The following PRDM16 variants were observed in gnomAD, a reference collection of about 807,000 sequenced individuals.
PRDM16 encodes histone-lysine N-methyltransferase PRDM16.
In PRDM16, 23 loss-of-function variants were observed where a neutral mutation model predicts 110.6. The observed-to-expected ratio is 0.21, with a 90% CI of 0.15 to 0.29. The LOEUF (loss-of-function observed/expected upper bound fraction) is 0.29, where lower values mean the gene tolerates loss of function less well. Ranked by LOEUF, PRDM16 falls within the 10% of genes least tolerant of loss-of-function variation. The pLI is 1.00. For missense variants in PRDM16, 1,615 were observed against 1,794.3 expected (o/e 0.90, Z 1.81); for synonymous variants, 799 against 781.8 (o/e 1.02, Z -0.37).
At chr1:3,232,080 C>G (rs2100888152) in intron 2 of PRDM16, among the ~76,000 whole-genome samples, 2 of 152,372 alleles carry the variant, frequency 1.3e-5, no homozygotes, top group Admixed American at 1.3e-4. Flanking sequence ...TCGCAGGCAG[C>G]TGCGACCGAC....
chr1:3,122,608 C>T (rs961915600), intron 1 of PRDM16, among the ~76,000 whole-genome samples: 5 of 152,086 alleles, frequency 3.3e-5, no homozygotes, highest in Non-Finnish European at 5.9e-5. Flanking sequence ...GATCATTATA[C>T]GAGTGGAAAA....
intron 3 of PRDM16, among the ~76,000 whole-genome samples, chr1:3,271,737 C>T (rs1217414459): frequency 1.3e-5 from 2 of 152,104 alleles, no homozygotes; most frequent in Non-Finnish European, 2.9e-5. Flanking sequence ...GCTCCTGCCT[C>T]AGAGGCCAGA....
At chr1:3,095,346 A>T (rs1438388788) in intron 1 of PRDM16, among the ~76,000 whole-genome samples, 1 of 149,028 alleles carries the variant, frequency 6.7e-6, no homozygotes, top group Non-Finnish European at 1.5e-5. Context: ...GTGTGTCTCC[A>T]GGGGTGCTGG....
intron 2 of PRDM16, among the ~76,000 whole-genome samples, chr1:3,219,281 A>G (rs911117078): frequency 1.3e-5 from 2 of 152,250 alleles, no homozygotes; most frequent in South Asian, 2.1e-4. Flanking sequence ...GCGGAGTGTC[A>G]GCGCAGTGAA....
intron 2 of PRDM16, among the ~76,000 whole-genome samples, chr1:3,232,515 A>G (rs905709387): frequency 6.6e-6 from 1 of 152,202 alleles, no homozygotes; most frequent in African/African-American, 2.4e-5. Context: ...AAACAATTGT[A>G]CTTCTGGCCT....
chr1:3,274,938 G>A (rs1433159923), intron 3 of PRDM16, among the ~76,000 whole-genome samples: 1 of 152,216 alleles, frequency 6.6e-6, no homozygotes, highest in Non-Finnish European at 1.5e-5. Context: ...TGGGGATGCA[G>A]GATGCACAGA....
At chr1:3,264,487 G>A (rs1173579751) in intron 3 of PRDM16, among the ~76,000 whole-genome samples, 1 of 151,350 alleles carries the variant, frequency 6.6e-6, no homozygotes, top group South Asian at 2.1e-4. Flanking sequence ...TAGGCCAGGA[G>A]GAGAGGAAAG....
intron 1 of PRDM16, among the ~76,000 whole-genome samples, chr1:3,101,393 C>A (rs892849368): frequency 3.3e-5 from 5 of 152,254 alleles, no homozygotes; most frequent in African/African-American, 1.2e-4. Flanking sequence ...CACTCAGGCA[C>A]TGAATTAAAT....
intron 2 of PRDM16, among the ~76,000 whole-genome samples, chr1:3,233,269 C>T (rs1409947332): frequency 1.3e-5 from 2 of 152,176 alleles, no homozygotes; most frequent in Non-Finnish European, 2.9e-5. Context: ...GAGGGACCGT[C>T]AGCATTTTCA....
At chr1:3,306,975 C>T (rs886257574) in intron 3 of PRDM16, 1 of 152,248 alleles carries the variant, frequency 6.6e-6, no homozygotes, top group Non-Finnish European at 1.5e-5. Flanking sequence ...TCCCGTGGTT[C>T]CCAGGTTCGC....
intron 3 of PRDM16, among the ~76,000 whole-genome samples, chr1:3,262,426 G>A (rs941218020): frequency 6.6e-6 from 1 of 152,214 alleles, no homozygotes; most frequent in Non-Finnish European, 1.5e-5. Context: ...GACCGAGCAG[G>A]AGTCTTGCCC....
chr1:3,085,115 C>A (rs943239600), intron 1 of PRDM16, among the ~76,000 whole-genome samples: 1 of 152,216 alleles, frequency 6.6e-6, no homozygotes, highest in Non-Finnish European at 1.5e-5. Flanking sequence ...CTCACTGCCC[C>A]AGGCTGGTGC....
At chr1:3,212,881 C>T (rs72630993) in intron 2 of PRDM16, among the ~76,000 whole-genome samples, 7,346 of 152,330 alleles carry the variant, frequency 0.048, 247 homozygotes, top group Non-Finnish European at 0.073. Flanking sequence ...GAGGGGCCCT[C>T]TTCCCTGCTC....
At chr1:3,304,706 G>A (rs555889460) in intron 3 of PRDM16, among the ~76,000 whole-genome samples, 43 of 152,206 alleles carry the variant, frequency 2.8e-4, no homozygotes, top group African/African-American at 9.9e-4. Context: ...CTGTGAGCAC[G>A]TCTGATGGCT....
chr1:3,180,278 C>A (rs964616400), intron 1 of PRDM16, among the ~76,000 whole-genome samples: 1 of 152,002 alleles, frequency 6.6e-6, no homozygotes, highest in South Asian at 2.1e-4. Context: ...GTATGTTCTG[C>A]TGTAAACTCA....
At chr1:3,111,756 G>C (rs990134881) in intron 1 of PRDM16, among the ~76,000 whole-genome samples, 1 of 151,964 alleles carries the variant, frequency 6.6e-6, no homozygotes, top group South Asian at 2.1e-4. Flanking sequence ...TTTTTTCTTC[G>C]CGGCTGAAAA....
At chr1:3,165,088 G>T (rs1643935254) in intron 1 of PRDM16, among the ~76,000 whole-genome samples, 1 of 152,236 alleles carries the variant, frequency 6.6e-6, no homozygotes, top group African/African-American at 2.4e-5. Context: ...GGAGCTCCGG[G>T]CCCCCCTCTG....
At chr1:3,144,999 T>C (rs12750690) in intron 1 of PRDM16, among the ~76,000 whole-genome samples, 10,864 of 152,202 alleles carry the variant, frequency 0.071, 529 homozygotes, top group East Asian at 0.12. Context: ...CGAGAAATGC[T>C]GGGAGCAGCC....
At chr1:3,414,101 C>G (rs962123743) in intron 9 of PRDM16, among the ~76,000 whole-genome samples, 1 of 152,220 alleles carries the variant, frequency 6.6e-6, no homozygotes, top group Non-Finnish European at 1.5e-5. Flanking sequence ...GAGCCACGCT[C>G]TGCTGTGAGC....
Sources: gnomAD v4.1 joint callset for allele counts (sites outside exome capture counted in the v4.1 genomes callset) on GRCh38, gnomAD v4.1.1 for gene constraint, MANE v1.5 for transcripts, NCBI Gene and HGNC (gene_info 2026-07-23, HGNC 2026-07-21) for gene names.